CYP3A7: variants seen among roughly 807,000 people sequenced by gnomAD.
CYP3A7 encodes cytochrome P450 family 3 subfamily A member 7.
CYP3A7 carries 45 observed loss-of-function variants against 55.2 expected under a neutral mutation model. The observed-to-expected ratio is 0.82, with a 90% confidence interval of 0.64 to 1.05. CYP3A7 has a LOEUF of 1.05. CYP3A7 is among the 50% of genes least tolerant of loss of function. The pLI, the probability that CYP3A7 is intolerant of heterozygous loss-of-function variation, is 0.00. For synonymous variants in CYP3A7, 180 were observed against 207.4 expected, an observed-to-expected ratio of 0.87 and a Z score of 1.13; for missense variants, 548 against 605.3, an observed-to-expected ratio of 0.91 and a Z score of 0.99.
rs1814241837 is a variant in CYP3A7 at position 99,722,431 on chromosome 7, A to C, written c.166-83T>G. 1.2e-5 allele frequency: 18 copies of C among 1,528,438 alleles called. No individual in the cohort carries two copies. The South Asian group carries it at 2.1e-4, about 18-fold the overall frequency. 94.7% of individuals were successfully genotyped at this position (1,528,438 alleles called of 1,614,324 possible). On this transcript the variant is annotated intron_variant, in intron 2 of 12. Transcript: ENST00000336374. ...TCTAATTGGGGTTGAAAACAGTCAAATCCAATGAAATTAGACTTGCTGGCA... is the reference window on the plus strand; with the variant it reads ...TCTAATTGGGGTTGAAAACAGTCAACTCCAATGAAATTAGACTTGCTGGCA...
chr7:99,726,354 C>T lies in CYP3A7; in HGVS notation c.166-4006G>A, dbSNP rs2151528061. The stretch of plus-strand genomic sequence containing the variant: ...AGCCTACAAACTCTCCTTATAATTC[C>T]CCCATCTTACCTGTCTAAAAACCAG... On this transcript the variant is annotated intron_variant, in intron 2 of 12. Transcript: ENST00000336374. Among the ~76,000 whole-genome samples, 3 of 152,288 alleles carry T rather than the reference C, an allele frequency of 2.0e-5. 1 individual carries two copies. In the Middle Eastern group the frequency reaches 0.01, roughly 518 times the overall value.
intron 4 of CYP3A7, 82 bp from the exon 5 acceptor site, chr7:99,717,721 C>T: frequency 6.6e-7 from 1 of 1,506,530 alleles, no homozygotes; most frequent in South Asian, 1.2e-5. Context: ...AAACAGGCAT[C>T]ATGTATTTAA....
intron 4 of CYP3A7, among the ~76,000 whole-genome samples, chr7:99,718,797 C>T (rs1814071266): frequency 1.3e-5 from 2 of 152,148 alleles, no homozygotes; most frequent in African/African-American, 2.4e-5. Context: ...ACTAAGTCAG[C>T]TCGGCAAGGT....
rs149819141 is a variant in CYP3A7 at position 99,722,323 on chromosome 7, C to T, written c.191G>A (p.Cys64Tyr). The T allele has an allele frequency of 4.3e-6, 7 of 1,613,424 alleles. No homozygotes were observed. The African/African-American group carries it at 9.3e-5, about 22-fold the overall frequency. ...RKGYWTFDME[C>Y]YKKYRKVWGI... The stretch of plus-strand genomic sequence containing the variant: ...CCAGACTTTTCTATACTTTTTATAA[C>T]ATTCCATGTCAAACGTCCAATAGCC... The change falls in exon 3 of 13, where the codon TGT becomes TAT. Residue 64 changes from cysteine to tyrosine, a missense_variant. Transcript: ENST00000336374.
chr7:99,713,577 G>A (rs45585039), intron 8 of CYP3A7, 42 bp from the exon 9 acceptor site: 109 of 1,611,814 alleles, frequency 6.8e-5, no homozygotes, highest in Non-Finnish European at 8.3e-5. Context: ...AAAGTGACTC[G>A]TGAAGTCAGA....
intron 2 of CYP3A7, among the ~76,000 whole-genome samples, chr7:99,724,416 C>T (rs923715855): frequency 2.6e-5 from 4 of 152,176 alleles, no homozygotes; most frequent in Non-Finnish European, 4.4e-5. Context: ...TTCTTTTATA[C>T]ATCAGTCTCT....
intron 10 of CYP3A7, among the ~76,000 whole-genome samples, chr7:99,709,545 G>A (rs1345908908): frequency 6.6e-6 from 1 of 152,088 alleles, no homozygotes; most frequent in Non-Finnish European, 1.5e-5. Context: ...CTTTCTCATG[G>A]AAGCAAACAT....
rs1446968479 is a variant in CYP3A7, at chr7:99,705,518, C to G, written c.1494G>C (p.Glu498Asp). The G allele has an allele frequency of 2.5e-6, 4 of 1,613,636 alleles. No homozygotes were observed. The South Asian group carries it at 4.4e-5, about 18-fold the overall frequency. The change falls in exon 13 of 13, where the codon GAG becomes GAC. Residue 498 changes from glutamate to aspartate, a missense_variant. Physicochemically the swap from Glu to Asp is conservative, Grantham distance 45 (BLOSUM62 2). Transcript: ENST00000336374. ...PIVLKAESRD[E>D]TVSGA is the part of the protein sequence containing the mutation. ...AGGGAAATCAGGCTCCACTTACGGT[C>G]TCATCCCTTGACTCAGCCTTTAGAA... is the stretch of plus-strand genomic sequence containing the variant.
intron 4 of CYP3A7, among the ~76,000 whole-genome samples, chr7:99,717,882 T>G (rs1024242958): frequency 2.6e-5 from 4 of 152,168 alleles, no homozygotes; most frequent in Non-Finnish European, 4.4e-5. Flanking sequence ...ACGGAACCTG[T>G]TCTTCCACTG....
At chr7:99,707,686 A>G (rs1813576798) in intron 12 of CYP3A7, 126 bp downstream of exon 12, 3 of 1,472,862 alleles carry the variant, frequency 2.0e-6, no homozygotes, top group Non-Finnish European at 2.8e-6. Context: ...ATGGGTCCAA[A>G]TAGATTCCTT....
Position 99,705,166 on chromosome 7 carries a change from T to C in CYP3A7, c.*334A>G, listed in dbSNP as rs1813473493. On this transcript the variant is annotated 3_prime_UTR_variant, in exon 13 of 13. Coordinates refer to ENST00000336374, the MANE Select transcript of CYP3A7 (RefSeq NM_000765.5). ...TAATTCCTATTTTTATTAATGATTG[T>C]GGTTGAAATTATTGAGAAATGTTAA... 1 of 254,300 alleles carries C rather than the reference T, an allele frequency of 3.9e-6. No individual in the cohort carries two copies. Among genetic ancestry groups the C allele is most frequent in the South Asian group, 5.6e-5 (1 of 17,904 alleles). 15.8% of individuals were successfully genotyped at this position (254,300 alleles called of 1,614,324 possible). A position where few individuals can be genotyped will look rare whatever the true frequency, so the allele number is the denominator to read the frequency against.
In CYP3A7 at chr7:99,708,267, T is replaced by C. The variant is rs149593644; in HGVS notation, c.1254-293A>G. Among the ~76,000 whole-genome samples the C allele has an allele frequency of 2.0e-4, 30 of 152,196 alleles. No homozygotes were observed. The East Asian group carries it at 5.6e-3, about 29-fold the overall frequency. Reference sequence around the variant, plus strand: ...AATTATAGTCAGGATGGTGATGTGTTCACACTACAAAAGGCACATAAGTGA... The same window carrying C: ...AATTATAGTCAGGATGGTGATGTGTCCACACTACAAAAGGCACATAAGTGA... On this transcript the variant is annotated intron_variant, in intron 11 of 12. Coordinates refer to ENST00000336374, the MANE Select transcript of CYP3A7 (RefSeq NM_000765.5).
Position 99,707,886 on chromosome 7 carries a change from C to T in CYP3A7, c.1342G>A (p.Ala448Thr). The T allele has an allele frequency of 2.5e-6, 4 of 1,614,034 alleles. No individual in the cohort carries two copies. The highest frequency in any genetic ancestry group is 2.5e-6 in the Non-Finnish European group (3 of 1,179,928). Residue 448 changes from alanine to threonine, a missense_variant, in exon 12 of 13, where the codon GCT becomes ACT. Transcript: ENST00000336374. ...GPRNCIGMRF[A>T]LVNMKLALVR... is the part of the protein sequence containing the mutation. ...AGAGCAAGTTTCATGTTCACGAGAG[C>T]AAACCTCATGCCAATGCAGTTTCTG...
At chr7:99,716,004 C>CA in intron 6 of CYP3A7, 98 bp from the exon 7 acceptor site, 12 of 1,605,342 alleles carry the variant, frequency 7.5e-6, no homozygotes, top group Non-Finnish European at 1.0e-5. Context: ...TCAAGACAGA[C>CA]AAACAGCCAC....
intron 2 of CYP3A7, among the ~76,000 whole-genome samples, chr7:99,728,703 C>A (rs1157050083): frequency 1.3e-5 from 2 of 152,154 alleles, no homozygotes; most frequent in Non-Finnish European, 2.9e-5. Flanking sequence ...CTTCCTGTCC[C>A]CCTCATGACA....
At chr7:99,712,062 T>C (rs45442295) in intron 9 of CYP3A7, among the ~76,000 whole-genome samples, 5,937 of 152,272 alleles carry the variant, frequency 0.039, 401 homozygotes, top group East Asian at 0.25. Context: ...TAAGCTCTTG[T>C]GATTGCAAGT....
intron 2 of CYP3A7, among the ~76,000 whole-genome samples, chr7:99,725,084 T>G (rs1419289365): frequency 6.6e-6 from 1 of 152,034 alleles, no homozygotes; most frequent in Non-Finnish European, 1.5e-5. Flanking sequence ...TTACATGGTC[T>G]CCTGCCTAGT....
chr7:99,708,505 A>T (rs1042876579), intron 11 of CYP3A7, among the ~76,000 whole-genome samples: 32 of 150,408 alleles, frequency 2.1e-4, no homozygotes, highest in African/African-American at 7.8e-4. Flanking sequence ...TCTAATCTCC[A>T]TCTCTCCTTC....
At chr7:99,713,380 T>C in intron 9 of CYP3A7, 89 bp downstream of exon 9, 1 of 1,585,334 alleles carries the variant, frequency 6.3e-7, no homozygotes, top group Non-Finnish European at 8.6e-7. Context: ...GAAATTCTCA[T>C]CTACCTGGAA....
Sources: allele counts gnomAD v4.1 joint callset (sites outside exome capture counted in the v4.1 genomes callset), GRCh38; gene constraint gnomAD v4.1.1; transcripts MANE v1.5; gene names NCBI Gene and HGNC (gene_info 2026-07-23, HGNC 2026-07-21).